CDH6: variants seen among roughly 807,000 people sequenced by gnomAD.
CDH6 encodes cadherin-6.
CDH6 carries 31 observed loss-of-function variants against 78.0 expected under a neutral mutation model. The ratio of observed to expected loss-of-function variants is 0.40; its 90% CI spans 0.30 to 0.54. CDH6 has a LOEUF of 0.54. CDH6 is among the 20% of genes least tolerant of loss of function. CDH6 has a pLI of 0.56. For synonymous variants in CDH6, 376 were observed against 368.8 expected, an observed-to-expected ratio of 1.02 and a Z score of -0.23; for missense variants, 724 against 975.9, an observed-to-expected ratio of 0.74 and a Z score of 3.44.
intron 1 of CDH6, among the ~76,000 whole-genome samples, chr5:31,199,268 A>G (rs568442341): frequency 6.6e-6 from 1 of 151,590 alleles, no homozygotes; most frequent in East Asian, 1.9e-4. Context: ...TGCTCAGAGC[A>G]TATATATCTA....
chr5:31,243,497 C>T (rs544685827), intron 1 of CDH6, among the ~76,000 whole-genome samples: 1 of 152,266 alleles, frequency 6.6e-6, no homozygotes, highest in African/African-American at 2.4e-5. Context: ...ACTTGCAGCC[C>T]CCTCTCTCCC....
intron 1 of CDH6, among the ~76,000 whole-genome samples, chr5:31,205,260 A>C (rs1465073856): frequency 2.6e-5 from 4 of 152,224 alleles, no homozygotes; most frequent in African/African-American, 9.6e-5. Flanking sequence ...GTGAAAATAC[A>C]CTTTTCTATC....
At chr5:31,199,523 CAT>C (rs1491283741) in intron 1 of CDH6, among the ~76,000 whole-genome samples, 15 of 78,100 alleles carry the variant, frequency 1.9e-4, no homozygotes, top group African/African-American at 5.6e-4. Context: ...TGTACACACA[CAT>C]ATGTGTATAT....
chr5:31,256,764 C>T (rs1742067092), intron 1 of CDH6, among the ~76,000 whole-genome samples: 1 of 152,168 alleles, frequency 6.6e-6, no homozygotes, highest in Non-Finnish European at 1.5e-5. Context: ...AAGTTACTTG[C>T]CAATGTCTCA....
At chr5:31,302,968 G>GAAAGAAAGAAAGAAAGAAAGAAAGAAAGA (rs1737871676) in intron 6 of CDH6, among the ~76,000 whole-genome samples, 2 of 119,024 alleles carry the variant, frequency 1.7e-5, no homozygotes, top group Non-Finnish European at 1.8e-5. Context: ...GGAAAGAAAA[G>GAAAGAAAGAAAGAAAGAAAGAAAGAAAGA]AAAGAAAGAA....
chr5:31,244,973 A>G (rs1196089183), intron 1 of CDH6, among the ~76,000 whole-genome samples: 4 of 152,220 alleles, frequency 2.6e-5, no homozygotes, highest in Non-Finnish European at 4.4e-5. Context: ...GAAGAGTCCC[A>G]TGACCTTGCT....
chr5:31,242,851 G>A (rs1459981609), intron 1 of CDH6, among the ~76,000 whole-genome samples: 2 of 147,490 alleles, frequency 1.4e-5, no homozygotes, highest in Non-Finnish European at 3.0e-5. Context: ...ATGAGACCTC[G>A]CCTCTACTAA....
At chr5:31,221,361 A>G (rs185510941) in intron 1 of CDH6, among the ~76,000 whole-genome samples, 23 of 152,306 alleles carry the variant, frequency 1.5e-4, no homozygotes, top group Admixed American at 6.5e-4. Flanking sequence ...CAACTCACAT[A>G]CATTTCAGTC....
intron 2 of CDH6, among the ~76,000 whole-genome samples, chr5:31,279,703 G>A (rs1163831485): frequency 6.6e-6 from 1 of 152,170 alleles, no homozygotes; most frequent in Admixed American, 6.5e-5. Flanking sequence ...GGGAGGCTGA[G>A]GAAGAAGGAG....
intron 2 of CDH6, among the ~76,000 whole-genome samples, chr5:31,273,025 C>T (rs1742574140): frequency 6.6e-6 from 1 of 152,080 alleles, no homozygotes; most frequent in Non-Finnish European, 1.5e-5. Flanking sequence ...TCAATGAAGC[C>T]ACTCTTCTCA....
In CDH6 at chr5:31,323,485, C is replaced by A; in HGVS notation, c.*177C>A. ...TTTCTAGTACACTTTTATGAGCTTC[C>A]AAGGGGCAAATTTTTATTTTTTAGT... On this transcript the variant is annotated 3_prime_UTR_variant, in exon 12 of 12. Coordinates refer to ENST00000265071, the MANE Select transcript of CDH6 (RefSeq NM_004932.4). The A allele has an allele frequency of 1.5e-6, 1 of 685,580 alleles. No individual in the cohort carries two copies. Among genetic ancestry groups the A allele is most frequent in the Non-Finnish European group, 2.3e-6 (1 of 432,052 alleles). 42.5% of individuals were successfully genotyped at this position (685,580 alleles called of 1,614,324 possible). A position where few individuals can be genotyped will look rare whatever the true frequency, so the allele number is the denominator to read the frequency against.
chr5:31,292,804 C>CAT (rs1365766997), intron 2 of CDH6, among the ~76,000 whole-genome samples: 10 of 125,322 alleles, frequency 8.0e-5, no homozygotes, highest in South Asian at 2.7e-4. Flanking sequence ...TATGTGTGTG[C>CAT]ATATATATAT....
At chr5:31,282,669 A>G (rs1742893134) in intron 2 of CDH6, among the ~76,000 whole-genome samples, 1 of 152,156 alleles carries the variant, frequency 6.6e-6, no homozygotes, top group Non-Finnish European at 1.5e-5. Flanking sequence ...GCCTACTACC[A>G]CTATTATCAC....
intron 1 of CDH6, among the ~76,000 whole-genome samples, chr5:31,247,148 G>A (rs1484786024): frequency 6.6e-6 from 1 of 152,138 alleles, no homozygotes; most frequent in Non-Finnish European, 1.5e-5. Context: ...GAATGGGCTG[G>A]CTATCATAAA....
At position 31,302,305 on chromosome 5, in the gene CDH6, C is replaced by T. The variant is rs1451980438; in HGVS notation, c.999+7C>T. On this transcript the variant is annotated splice_region_variant and intron_variant, in intron 6 of 11. Transcript: ENST00000265071. ...GATTATAACTGTCAAAAAGGTAATG[C>T]CGCTTCTTAAACACCATACAGAGTG... is the stretch of plus-strand genomic sequence containing the variant. 1 of 1,604,952 alleles carries T rather than the reference C, an allele frequency of 6.2e-7. No homozygotes were observed. The highest frequency in any genetic ancestry group is 8.5e-7 in the Non-Finnish European group (1 of 1,173,226).
At chr5:31,314,480 C>T in intron 8 of CDH6, among the ~76,000 whole-genome samples, 1 of 151,552 alleles carries the variant, frequency 6.6e-6, no homozygotes. Context: ...CATTTGTATT[C>T]TCTGTCAATA....
chr5:31,268,459 C>T (rs1742422067), intron 2 of CDH6, among the ~76,000 whole-genome samples: 1 of 152,190 alleles, frequency 6.6e-6, no homozygotes, highest in Admixed American at 6.5e-5. Context: ...GCTTGGTTAG[C>T]CTGTCATCGT....
At chr5:31,253,944 C>T (rs1000454235) in intron 1 of CDH6, among the ~76,000 whole-genome samples, 1 of 152,054 alleles carries the variant, frequency 6.6e-6, no homozygotes, top group African/African-American at 2.4e-5. Flanking sequence ...TCTGAGGTTT[C>T]TCTTTCCATG....
chr5:31,322,783 T>A, intron 11 of CDH6, 35 bp from the exon 12 acceptor site: 1 of 1,579,834 alleles, frequency 6.3e-7, no homozygotes, highest in Non-Finnish European at 8.6e-7. Flanking sequence ...CAAATTAACT[T>A]TTCCTTCCCT....
Sources: gnomAD v4.1 joint callset for allele counts (sites outside exome capture counted in the v4.1 genomes callset) on GRCh38, gnomAD v4.1.1 for gene constraint, MANE v1.5 for transcripts, NCBI Gene and HGNC (gene_info 2026-07-23, HGNC 2026-07-21) for gene names.